TFDP2: variants seen among roughly 807,000 people sequenced by gnomAD.
TFDP2 encodes the protein transcription factor Dp-2 (E2F dimerization partner 2).
In TFDP2, 17 loss-of-function variants were observed where a neutral mutation model predicts 59.3. The ratio of observed to expected loss-of-function variants is 0.29; its 90% confidence interval spans 0.20 to 0.43. The LOEUF is 0.43. TFDP2 is among the 20% of genes least tolerant of loss of function. The probability of loss-of-function intolerance (pLI) is 1.00; values close to 1 mark genes in which losing one functional copy is unlikely to be tolerated. For synonymous variants in TFDP2, 180 were observed against 194.7 expected (o/e 0.92, Z 0.63); for missense variants, 391 against 528.8 (o/e 0.74, Z 2.56).
chr3:142,074,068 T>C (rs1241749364), intron 3 of TFDP2, among the ~76,000 whole-genome samples: 2 of 152,184 alleles, frequency 1.3e-5, no homozygotes, highest in Non-Finnish European at 2.9e-5. Context: ...AAAAACATTA[T>C]GATACAGACA....
intron 1 of TFDP2, among the ~76,000 whole-genome samples, chr3:142,142,254 A>G (rs928800774): frequency 9.2e-5 from 14 of 152,258 alleles, no homozygotes; most frequent in Admixed American, 4.6e-4. Flanking sequence ...AAATTCAGTA[A>G]AGTTACATGA....
chr3:142,063,565 T>C (rs1404365666), intron 3 of TFDP2, among the ~76,000 whole-genome samples: 2 of 152,234 alleles, frequency 1.3e-5, no homozygotes, highest in Non-Finnish European at 2.9e-5. Flanking sequence ...TTGAAAGTTA[T>C]TTCCTTAGGA....
chr3:142,019,749 G>A (rs910022918), intron 3 of TFDP2, among the ~76,000 whole-genome samples: 9 of 151,632 alleles, frequency 5.9e-5, no homozygotes, highest in African/African-American at 2.2e-4. Flanking sequence ...ACAGATCCAA[G>A]GTTTTCCCCC....
intron 1 of TFDP2, among the ~76,000 whole-genome samples, chr3:142,132,815 A>T (rs2108732195): frequency 6.7e-6 from 1 of 149,118 alleles, no homozygotes; most frequent in South Asian, 2.1e-4. Context: ...AAAAAACCGT[A>T]TGAGGAAAAT....
rs557608727 is a variant in TFDP2, at chr3:141,946,651, A to G, written c.*5862T>C. On this transcript the variant is annotated 3_prime_UTR_variant, in exon 13 of 13. Coordinates refer to ENST00000489671, the MANE Select transcript of TFDP2 (RefSeq NM_001178139.2). ...GGATCCCAGAGATTACCTAAGCATCACTTCTCAGAGACGTTTTGGTTAAGG... is the reference window on the plus strand; with the variant it reads ...GGATCCCAGAGATTACCTAAGCATCGCTTCTCAGAGACGTTTTGGTTAAGG... The G allele has an allele frequency of 6.6e-6, 1 of 152,264 alleles. No homozygotes were observed. The highest frequency in any genetic ancestry group is 2.4e-5 in the African/African-American group (1 of 41,548). 9.4% of individuals were successfully genotyped at this position (152,264 alleles called of 1,614,324 possible). A position where few individuals can be genotyped will look rare whatever the true frequency, so the allele number is the denominator to read the frequency against.
intron 1 of TFDP2, among the ~76,000 whole-genome samples, chr3:142,126,712 T>G (rs1460833516): frequency 2.0e-5 from 3 of 151,970 alleles, no homozygotes; most frequent in Non-Finnish European, 4.4e-5. Context: ...TTTGGGAGGC[T>G]GAGGCGGGCA....
intron 3 of TFDP2, among the ~76,000 whole-genome samples, chr3:142,066,307 G>A (rs2060072968): frequency 6.6e-6 from 1 of 152,202 alleles, no homozygotes; most frequent in African/African-American, 2.4e-5. Context: ...TAGATGCTAT[G>A]AAGGTAAGTA....
intron 3 of TFDP2, among the ~76,000 whole-genome samples, chr3:142,027,576 T>C (rs1946187538): frequency 6.6e-6 from 1 of 152,206 alleles, no homozygotes; most frequent in Admixed American, 6.5e-5. Context: ...AAAATTTCAC[T>C]GTATCTATTA....
At chr3:142,089,233 G>GAA (rs561451177) in intron 3 of TFDP2, among the ~76,000 whole-genome samples, 1 of 105,948 alleles carries the variant, frequency 9.4e-6, no homozygotes, top group Non-Finnish European at 2.0e-5. Context: ...CTCCTCAGTA[G>GAA]AAAAAAAAAA....
intron 3 of TFDP2, among the ~76,000 whole-genome samples, chr3:142,065,289 TG>T (rs977971313): frequency 6.6e-6 from 1 of 151,628 alleles, no homozygotes; most frequent in Non-Finnish European, 1.5e-5. Context: ...AGCAAGGAGC[TG>T]GGACTGCACA....
chr3:142,000,089 G>C (rs192415046), intron 4 of TFDP2, among the ~76,000 whole-genome samples: 10 of 152,276 alleles, frequency 6.6e-5, no homozygotes, highest in African/African-American at 2.4e-4. Flanking sequence ...ATGGATGAGG[G>C]AGTTAGAGGA....
chr3:142,080,945 A>G (rs2060619645), intron 3 of TFDP2, among the ~76,000 whole-genome samples: 1 of 152,216 alleles, frequency 6.6e-6, no homozygotes, highest in Non-Finnish European at 1.5e-5. Context: ...GAAAATCCAC[A>G]AGGAAACACT....
At chr3:141,965,573 G>GGGGAAA (rs1410382467) in intron 9 of TFDP2, among the ~76,000 whole-genome samples, 2 of 145,346 alleles carry the variant, frequency 1.4e-5, no homozygotes, top group Non-Finnish European at 3.0e-5. Context: ...GGAAGGGGAA[G>GGGGAAA]GGGAAGGGGA....
intron 9 of TFDP2, among the ~76,000 whole-genome samples, chr3:141,969,119 TATATATATAAC>T (rs1219697685): frequency 2.3e-5 from 2 of 86,760 alleles, no homozygotes; most frequent in Non-Finnish European, 4.1e-5. Context: ...ATATATGAGA[TATATATATAAC>T]ATATATATCC....
At chr3:141,992,826 C>A (rs1221598628) in intron 6 of TFDP2, among the ~76,000 whole-genome samples, 1 of 152,182 alleles carries the variant, frequency 6.6e-6, no homozygotes, top group Admixed American at 6.5e-5. Flanking sequence ...CATCTAATTT[C>A]TCAGGGCACA....
chr3:141,973,097 A>G (rs1473910713), intron 8 of TFDP2, among the ~76,000 whole-genome samples: 32 of 81,944 alleles, frequency 3.9e-4, no homozygotes, highest in African/African-American at 1.1e-3. Context: ...CTATGTGTAT[A>G]TATATATATA....
intron 4 of TFDP2, among the ~76,000 whole-genome samples, chr3:141,995,582 T>C (rs1943191027): frequency 6.6e-6 from 1 of 152,128 alleles, no homozygotes; most frequent in Non-Finnish European, 1.5e-5. Context: ...TGCAATTTTA[T>C]CCTTTTTTAA....
At chr3:141,985,353 AC>A (rs1363142963) in intron 6 of TFDP2, among the ~76,000 whole-genome samples, 2 of 151,846 alleles carry the variant, frequency 1.3e-5, no homozygotes, top group Admixed American at 6.6e-5. Flanking sequence ...ACATAGTGAG[AC>A]CTCATCTCTA....
chr3:141,986,268 T>C (rs1576584444), intron 6 of TFDP2, among the ~76,000 whole-genome samples: 2 of 152,234 alleles, frequency 1.3e-5, no homozygotes, highest in African/African-American at 2.4e-5. Context: ...TTCCTGAGTT[T>C]TTAAATGCAA....
Sources: gnomAD v4.1 joint callset for allele counts (sites outside exome capture counted in the v4.1 genomes callset) on GRCh38, gnomAD v4.1.1 for gene constraint, MANE v1.5 for transcripts, NCBI Gene and HGNC (gene_info 2026-07-23, HGNC 2026-07-21) for gene names.